The following ROBO1 variants were observed in gnomAD, a reference collection of about 807,000 sequenced individuals.
ROBO1 encodes roundabout homolog 1.
A neutral mutation model predicts 195.9 loss-of-function variants in ROBO1; 149 were observed. The observed-to-expected ratio is 0.76, with a 90% CI of 0.67 to 0.87. ROBO1 has a LOEUF of 0.87. ROBO1 is among the 40% of genes least tolerant of loss of function. The probability of loss-of-function intolerance (pLI) is 0.00; values close to 1 mark genes in which losing one functional copy is unlikely to be tolerated. For synonymous variants in ROBO1, 816 were observed against 733.2 expected, an observed-to-expected ratio of 1.11 and a Z score of -1.82; for missense variants, 1,933 against 2,068.3, an observed-to-expected ratio of 0.93 and a Z score of 1.27.
chr3:79,528,346 G>T (rs1941519796), intron 2 of ROBO1, among the ~76,000 whole-genome samples: 1 of 151,854 alleles, frequency 6.6e-6, no homozygotes, highest in Non-Finnish European at 1.5e-5. Context: ...AAAACCCTTT[G>T]TTTTCATTAC....
In ROBO1 at chr3:78,662,045, T is replaced by C; in HGVS notation, c.2036A>G (p.His679Arg). 1 of 1,600,066 alleles carries C rather than the reference T, an allele frequency of 6.2e-7. No homozygotes were observed. The highest frequency in any genetic ancestry group is 1.1e-5 in the South Asian group (1 of 88,030). ...AGAAAGGACGGTGGGGTTGTGGAGGTGCAGAACAGCATTTCCCAGCTCTCT... is the reference window on the plus strand; with the variant it reads ...AGAAAGGACGGTGGGGTTGTGGAGGCGCAGAACAGCATTTCCCAGCTCTCT... ...VQRELGNAVL[H>R]LHNPTVLSSS... is the part of the protein sequence containing the mutation. Residue 679 changes from histidine to arginine, a missense_variant, in exon 15 of 31, where the codon CAC (histidine) becomes CGC (arginine). Transcript: ENST00000464233.
chr3:79,744,370 C>G (rs190061220), intron 1 of ROBO1, among the ~76,000 whole-genome samples: 41 of 152,054 alleles, frequency 2.7e-4, no homozygotes, highest in African/African-American at 9.4e-4. Context: ...AGAAATAAAC[C>G]CTATTGCAAT....
chr3:79,669,621 C>G (rs1370303778), intron 1 of ROBO1, among the ~76,000 whole-genome samples: 1 of 151,780 alleles, frequency 6.6e-6, no homozygotes. Context: ...TAAGTGCACT[C>G]TATGATTGCA....
chr3:79,573,107 C>T (rs1943335585), intron 2 of ROBO1, among the ~76,000 whole-genome samples: 1 of 152,090 alleles, frequency 6.6e-6, no homozygotes, highest in Admixed American at 6.6e-5. Context: ...TGGAGTGCAG[C>T]GGCGAGATCA....
intron 4 of ROBO1, among the ~76,000 whole-genome samples, chr3:78,917,696 G>A (rs1026224456): frequency 1.6e-4 from 24 of 152,318 alleles, no homozygotes; most frequent in Admixed American, 1.3e-4. Context: ...AGCGGAACTT[G>A]GCATAAACTC....
chr3:79,582,379 GT>G (rs926039853), intron 2 of ROBO1, among the ~76,000 whole-genome samples: 54 of 151,500 alleles, frequency 3.6e-4, no homozygotes, highest in African/African-American at 1.3e-3. Context: ...AACTCCAGAA[GT>G]TTTTTTCTAT....
At chr3:78,905,945 G>A (rs1324806311) in intron 4 of ROBO1, among the ~76,000 whole-genome samples, 1 of 152,114 alleles carries the variant, frequency 6.6e-6, no homozygotes, top group Non-Finnish European at 1.5e-5. Context: ...ATGACAGATT[G>A]TCTTCTGCAG....
chr3:78,991,575 A>G (rs764907643), intron 3 of ROBO1, among the ~76,000 whole-genome samples: 20 of 152,234 alleles, frequency 1.3e-4, no homozygotes, highest in Non-Finnish European at 2.6e-4. Flanking sequence ...GAAACCTGGT[A>G]TAATGCTCAC....
intron 10 of ROBO1, among the ~76,000 whole-genome samples, chr3:78,684,690 G>T (rs2081012754): frequency 6.6e-6 from 1 of 152,018 alleles, no homozygotes; most frequent in Non-Finnish European, 1.5e-5. Context: ...CAACTCGATG[G>T]ATTAAAAAGA....
intron 3 of ROBO1, among the ~76,000 whole-genome samples, chr3:78,941,858 G>A (rs1186775899): frequency 2.0e-5 from 3 of 152,150 alleles, no homozygotes; most frequent in Non-Finnish European, 4.4e-5. Flanking sequence ...GGAACCCAGT[G>A]GAAGACAGCC....
rs182992921 is a variant in ROBO1, at chr3:79,280,002, G to T, written c.89-154463C>A. ...AAGTGAAGTAAGCCAGAAATAGAAA[G>T]TTAAACACTGCAAACTATCACTCAT... On this transcript the variant is annotated intron_variant, in intron 2 of 30. Coordinates refer to ENST00000464233, the MANE Select transcript of ROBO1 (RefSeq NM_002941.4). Among the ~76,000 whole-genome samples the T allele has an allele frequency of 1.5e-3, 235 of 152,284 alleles. 3 individuals carry two copies. The highest frequency in any genetic ancestry group is 2.2e-3 in the Non-Finnish European group (148 of 68,032).
At chr3:79,149,805 A>G (rs1342326149) in intron 2 of ROBO1, among the ~76,000 whole-genome samples, 1 of 151,770 alleles carries the variant, frequency 6.6e-6, no homozygotes, top group Non-Finnish European at 1.5e-5. Flanking sequence ...CCATCGCCCA[A>G]GTTCAGTTAG....
At chr3:79,723,083 A>G (rs760803062) in intron 1 of ROBO1, among the ~76,000 whole-genome samples, 2 of 152,228 alleles carry the variant, frequency 1.3e-5, no homozygotes, top group Non-Finnish European at 2.9e-5. Context: ...AATTAGTATT[A>G]TAAATTTTTC....
intron 2 of ROBO1, among the ~76,000 whole-genome samples, chr3:79,193,042 T>C (rs1328191680): frequency 6.6e-6 from 1 of 151,710 alleles, no homozygotes; most frequent in Admixed American, 6.6e-5. Context: ...GATTACAGTG[T>C]TCTGGCTTGC....
At chr3:79,709,894 A>T (rs1702206883) in intron 1 of ROBO1, among the ~76,000 whole-genome samples, 1 of 152,162 alleles carries the variant, frequency 6.6e-6, no homozygotes, top group South Asian at 2.1e-4. Context: ...ATGCATTTTT[A>T]TACCAAACCA....
intron 4 of ROBO1, among the ~76,000 whole-genome samples, chr3:78,818,327 T>C (rs957959283): frequency 2.6e-5 from 4 of 152,160 alleles, no homozygotes; most frequent in Admixed American, 2.6e-4. Context: ...ATAGCTGGGC[T>C]GACCCAGGTT....
At chr3:79,160,777 C>A (rs1037067767) in intron 2 of ROBO1, among the ~76,000 whole-genome samples, 2 of 151,902 alleles carry the variant, frequency 1.3e-5, no homozygotes, top group Admixed American at 1.3e-4. Context: ...AGCACATGCT[C>A]CAAACAAATG....
chr3:78,766,712 A>T (rs1019952156), intron 4 of ROBO1, among the ~76,000 whole-genome samples: 1 of 152,086 alleles, frequency 6.6e-6, no homozygotes, highest in Non-Finnish European at 1.5e-5. Flanking sequence ...CATAGCGAAT[A>T]CTTTCAGCTT....
chr3:79,336,751 T>A (rs2034687218), intron 2 of ROBO1, among the ~76,000 whole-genome samples: 1 of 152,134 alleles, frequency 6.6e-6, no homozygotes. Flanking sequence ...ATTGACAGCT[T>A]GCACTATGCA....
Sources: allele counts gnomAD v4.1 joint callset (sites outside exome capture counted in the v4.1 genomes callset), GRCh38; gene constraint gnomAD v4.1.1; transcripts MANE v1.5; gene names NCBI Gene and HGNC (gene_info 2026-07-23, HGNC 2026-07-21).